EIPR1: variants seen among roughly 807,000 people sequenced by gnomAD.
The protein encoded by EIPR1 is EARP and GARP complex-interacting protein 1.
In EIPR1, 25 loss-of-function variants were observed where a neutral mutation model predicts 48.1. The observed-to-expected ratio is 0.52, with a 90% confidence interval of 0.38 to 0.73. The LOEUF is 0.73. Ranked by LOEUF, EIPR1 falls within the 30% of genes least tolerant of loss-of-function variation. The pLI is 0.00. For missense variants in EIPR1, 415 were observed against 506.2 expected (o/e 0.82, Z 1.73); for synonymous variants, 204 against 201.9 (o/e 1.01, Z -0.09).
At chr2:3,211,678 C>T (rs893109272) in intron 5 of EIPR1, among the ~76,000 whole-genome samples, 1 of 152,192 alleles carries the variant, frequency 6.6e-6, no homozygotes, top group Non-Finnish European at 1.5e-5. Context: ...GTGTGTCACG[C>T]CAAGCAGATG....
Position 3,338,153 on chromosome 2 carries a change from C to G in EIPR1, c.127-4G>C. The G allele has an allele frequency of 1.2e-6, 2 of 1,608,496 alleles. No individual in the cohort carries two copies. Among genetic ancestry groups the G allele is most frequent in the Non-Finnish European group, 1.7e-6 (2 of 1,178,902 alleles). ...CGTCAAAATCTATGATATGGATCTA[C>G]AAATACAAGAAAAGAGCACATCAGG... On this transcript the variant is annotated splice_region_variant and splice_polypyrimidine_tract_variant and intron_variant, in intron 2 of 8. Coordinates refer to ENST00000382125, the MANE Select transcript of EIPR1 (RefSeq NM_003310.5).
At position 3,365,932 on chromosome 2, in the gene EIPR1, G is replaced by C. The variant is rs566198483; in HGVS notation, c.43-11299C>G. Among the ~76,000 whole-genome samples, 3 of 102,770 alleles carry C rather than the reference G, an allele frequency of 2.9e-5. No homozygotes were observed. In the Admixed American group the frequency reaches 3.4e-4, roughly 12 times the overall value. The allele number at this position is 102,770 out of a possible 152,430, so 67.4% of individuals were successfully genotyped here. ...TCTCAGGTGGGGGAGTCAGCCCCCC[G>C]CCCGGCCAGCCGCCCAGTCCGGGAG... On this transcript the variant is annotated intron_variant, in intron 1 of 8. Coordinates refer to ENST00000382125, the MANE Select transcript of EIPR1 (RefSeq NM_003310.5).
intron 3 of EIPR1, among the ~76,000 whole-genome samples, chr2:3,336,818 A>AGGG: frequency 6.6e-6 from 1 of 150,772 alleles, no homozygotes; most frequent in Admixed American, 6.7e-5. Context: ...AAGGAAAAGA[A>AGGG]AAGAAAAGGG....
At chr2:3,258,867 C>A (rs942488967) in intron 3 of EIPR1, among the ~76,000 whole-genome samples, 1 of 152,162 alleles carries the variant, frequency 6.6e-6, no homozygotes, top group Non-Finnish European at 1.5e-5. Flanking sequence ...AATGTTCACA[C>A]TTCCAACTTT....
intron 4 of EIPR1, among the ~76,000 whole-genome samples, chr2:3,218,747 C>G (rs1325138797): frequency 6.6e-6 from 1 of 150,514 alleles, no homozygotes; most frequent in Non-Finnish European, 1.5e-5. Flanking sequence ...CAGGTGCACA[C>G]TCAACACGAC....
At chr2:3,332,855 C>G (rs1184637755) in intron 3 of EIPR1, among the ~76,000 whole-genome samples, 2 of 152,218 alleles carry the variant, frequency 1.3e-5, no homozygotes, top group African/African-American at 4.8e-5. Context: ...AGATCAACAG[C>G]AGTTATAAAT....
intron 4 of EIPR1, among the ~76,000 whole-genome samples, chr2:3,248,622 C>T (rs976660921): frequency 2.6e-5 from 4 of 151,982 alleles, no homozygotes; most frequent in Admixed American, 1.3e-4. Context: ...AAAAACTAGC[C>T]GGGCGTGATG....
At chr2:3,194,410 G>GTC in intron 6 of EIPR1, 2 of 342,110 alleles carry the variant, frequency 5.8e-6, no homozygotes, top group South Asian at 1.5e-4. Flanking sequence ...TGGGCGAGCC[G>GTC]TGGAAGGAAT....
chr2:3,220,398 T>C (rs1665838752), intron 4 of EIPR1, among the ~76,000 whole-genome samples: 1 of 151,204 alleles, frequency 6.6e-6, no homozygotes, highest in Non-Finnish European at 1.5e-5. Context: ...ACACAATGGC[T>C]GTAGTACATT....
chr2:3,266,786 G>A (rs1282632902), intron 3 of EIPR1, among the ~76,000 whole-genome samples: 1 of 152,248 alleles, frequency 6.6e-6, no homozygotes, highest in Non-Finnish European at 1.5e-5. Flanking sequence ...AGATGGAGCT[G>A]CAGCAGAGGC....
chr2:3,347,486 ACT>A (rs777343736), intron 2 of EIPR1, among the ~76,000 whole-genome samples: 1 of 152,150 alleles, frequency 6.6e-6, no homozygotes, highest in Non-Finnish European at 1.5e-5. Context: ...GTAAGATGTG[ACT>A]TGCTCCTCCT....
intron 7 of EIPR1, among the ~76,000 whole-genome samples, chr2:3,193,305 A>G (rs1664675421): frequency 6.6e-6 from 1 of 152,202 alleles, no homozygotes; most frequent in Non-Finnish European, 1.5e-5. Context: ...AACAATACAG[A>G]GATGCAGGCC....
chr2:3,192,327 T>C (rs1232916784), intron 8 of EIPR1, 87 bp downstream of exon 8: 1 of 1,440,066 alleles, frequency 6.9e-7, no homozygotes, highest in Admixed American at 2.7e-5. Flanking sequence ...CTGGAAACTT[T>C]CTACATACAC....
intron 3 of EIPR1, among the ~76,000 whole-genome samples, chr2:3,278,958 T>C (rs1289958142): frequency 3.9e-5 from 6 of 152,198 alleles, no homozygotes; most frequent in Admixed American, 3.9e-4. Context: ...TGAGTTCACC[T>C]GTGCTCTGAG....
intron 3 of EIPR1, among the ~76,000 whole-genome samples, chr2:3,296,062 C>CT (rs1668574802): frequency 8.3e-6 from 1 of 120,728 alleles, no homozygotes; most frequent in Non-Finnish European, 1.7e-5. Context: ...CCATGCAGCC[C>CT]TCCTCTCTCT....
At chr2:3,210,379 G>A (rs1233832149) in intron 5 of EIPR1, among the ~76,000 whole-genome samples, 1 of 152,068 alleles carries the variant, frequency 6.6e-6, no homozygotes, top group African/African-American at 2.4e-5. Context: ...CAGTCCCACG[G>A]CCACACCAGG....
At chr2:3,363,853 A>T (rs1670910080) in intron 1 of EIPR1, among the ~76,000 whole-genome samples, 2 of 152,000 alleles carry the variant, frequency 1.3e-5, no homozygotes, top group Admixed American at 1.3e-4. Context: ...TGGGCAAAAG[A>T]TCTGAATAGA....
chr2:3,355,409 GCT>G (rs1470444418), intron 1 of EIPR1, among the ~76,000 whole-genome samples: 1 of 152,218 alleles, frequency 6.6e-6, no homozygotes, highest in Non-Finnish European at 1.5e-5. Flanking sequence ...GCAGGCCAGT[GCT>G]CTTAGGCTAG....
chr2:3,373,448 G>A (rs1285783688), intron 1 of EIPR1, among the ~76,000 whole-genome samples: 3 of 152,128 alleles, frequency 2.0e-5, no homozygotes, highest in South Asian at 2.1e-4. Context: ...GTCCCTGTTT[G>A]CAGACGACAT....
Sources: gnomAD v4.1 joint callset for allele counts (sites outside exome capture counted in the v4.1 genomes callset) on GRCh38, gnomAD v4.1.1 for gene constraint, MANE v1.5 for transcripts, NCBI Gene and HGNC (gene_info 2026-07-23, HGNC 2026-07-21) for gene names.